The following PRKCB variants were observed in gnomAD, a reference collection of about 807,000 sequenced individuals.
PRKCB encodes the protein protein kinase C beta type.
A neutral mutation model predicts 81.5 loss-of-function variants in PRKCB; 13 were observed. The observed-to-expected ratio is 0.16, with a 90% CI of 0.10 to 0.25. PRKCB has a LOEUF of 0.25. Among genes scored for constraint, PRKCB ranks in the 10% least tolerant of loss-of-function variants. PRKCB has a pLI of 1.00. For missense variants in PRKCB, 509 were observed against 875.7 expected (o/e 0.58, Z 5.29); for synonymous variants, 335 against 321.4 (o/e 1.04, Z -0.45).
chr16:23,848,284 C>T (rs557681302), intron 2 of PRKCB, among the ~76,000 whole-genome samples: 73 of 152,156 alleles, frequency 4.8e-4, no homozygotes, highest in African/African-American at 1.7e-3. Context: ...CATGAGATGC[C>T]TTTGGCAACA....
intron 2 of PRKCB, among the ~76,000 whole-genome samples, chr16:23,923,731 A>C (rs1963858892): frequency 6.6e-6 from 1 of 152,076 alleles, no homozygotes; most frequent in South Asian, 2.1e-4. Flanking sequence ...GGTTTCTCCT[A>C]ATACTGAGAT....
chr16:23,897,301 A>G (rs1236468902), intron 2 of PRKCB, among the ~76,000 whole-genome samples: 1 of 152,236 alleles, frequency 6.6e-6, no homozygotes, highest in African/African-American at 2.4e-5. Context: ...TTTCCCCTGA[A>G]GGAAGTGGGG....
At chr16:23,969,430 G>A (rs1023408239) in intron 2 of PRKCB, among the ~76,000 whole-genome samples, 3 of 152,086 alleles carry the variant, frequency 2.0e-5, no homozygotes, top group Non-Finnish European at 2.9e-5. Context: ...TGAGACTCAC[G>A]CATGCATGTG....
At chr16:23,909,020 G>A (rs552636603) in intron 2 of PRKCB, among the ~76,000 whole-genome samples, 1 of 152,310 alleles carries the variant, frequency 6.6e-6, no homozygotes, top group African/African-American at 2.4e-5. Context: ...GTGAAGGCAG[G>A]GGTTTGTTTT....
intron 5 of PRKCB, among the ~76,000 whole-genome samples, chr16:24,082,247 T>C (rs1189268222): frequency 6.6e-6 from 1 of 152,174 alleles, no homozygotes; most frequent in Non-Finnish European, 1.5e-5. Context: ...CCCATGTTCA[T>C]GGATTGAAAG....
intron 8 of PRKCB, among the ~76,000 whole-genome samples, chr16:24,117,549 G>A (rs182726515): frequency 1.2e-4 from 18 of 152,188 alleles, no homozygotes; most frequent in African/African-American, 2.9e-4. Context: ...CTATTATCAC[G>A]CTATTTTACT....
chr16:23,898,279 A>T (rs1016789928), intron 2 of PRKCB, among the ~76,000 whole-genome samples: 1 of 151,936 alleles, frequency 6.6e-6, no homozygotes, highest in African/African-American at 2.4e-5. Flanking sequence ...GTTAGCCAGG[A>T]TGGTCTTGAT....
chr16:24,193,512 A>AT (rs1380946121), intron 16 of PRKCB, among the ~76,000 whole-genome samples: 1 of 150,930 alleles, frequency 6.6e-6, no homozygotes, highest in East Asian at 1.9e-4. Flanking sequence ...TGGTCTTGCC[A>AT]TGTTGCCCAG....
intron 16 of PRKCB, among the ~76,000 whole-genome samples, chr16:24,213,247 A>T (rs1483547307): frequency 1.3e-5 from 2 of 151,712 alleles, no homozygotes; most frequent in Non-Finnish European, 2.9e-5. Flanking sequence ...GTTGGCTAGG[A>T]TGGTCTCGAT....
At chr16:23,973,684 T>C (rs77198193) in intron 2 of PRKCB, among the ~76,000 whole-genome samples, 6 of 151,126 alleles carry the variant, frequency 4.0e-5, no homozygotes, top group Admixed American at 6.6e-5. Context: ...AATAATATAT[T>C]TTTTTTCTTT....
intron 7 of PRKCB, among the ~76,000 whole-genome samples, chr16:24,110,337 G>T (rs1387429303): frequency 4.0e-5 from 6 of 150,682 alleles, no homozygotes; most frequent in African/African-American, 1.5e-4. Context: ...TCAGCCTCCC[G>T]AATAGCTGGG....
chr16:23,920,778 G>A (rs1006832731), intron 2 of PRKCB, among the ~76,000 whole-genome samples: 1 of 152,208 alleles, frequency 6.6e-6, no homozygotes, highest in African/African-American at 2.4e-5. Flanking sequence ...ATTGGTGGAA[G>A]TTATTTAACA....
chr16:24,153,967 C>G lies in PRKCB; in HGVS notation c.1066-717C>G, dbSNP rs553787703. ...CCTAATTTTAGTTTTGTCAGTCATT[C>G]ACTCATTCTGTCATTCAACAAACAT... On this transcript the variant is annotated intron_variant, in intron 9 of 16. Transcript: ENST00000643927. 5.4e-4 allele frequency among the ~76,000 whole-genome samples: 82 copies of G among 152,312 alleles called. 1 individual carries two copies. Among genetic ancestry groups the G allele is most frequent in the South Asian group, 2.1e-3 (10 of 4,830 alleles).
intron 1 of PRKCB, 107 bp downstream of exon 1, chr16:23,836,455 A>ACT (rs1962159816): frequency 6.9e-7 from 1 of 1,444,086 alleles, no homozygotes; most frequent in African/African-American, 1.5e-5. Flanking sequence ...GCACCCTGGG[A>ACT]CCCCGCGTCT....
intron 3 of PRKCB, among the ~76,000 whole-genome samples, chr16:24,002,974 G>A (rs375682148): frequency 9.2e-5 from 14 of 152,178 alleles, no homozygotes; most frequent in Admixed American, 3.3e-4. Context: ...GGGGAGGGGA[G>A]AGTGAGACCC....
intron 3 of PRKCB, among the ~76,000 whole-genome samples, chr16:24,022,875 A>G (rs1374428525): frequency 3.3e-5 from 5 of 152,198 alleles, no homozygotes; most frequent in South Asian, 2.1e-4. Context: ...TTGTTGGCCA[A>G]CGGTAGCTTC....
In PRKCB at chr16:24,205,167, T is replaced by A. The variant is rs867681787; in HGVS notation, c.1864-9491T>A. ...TTCCTTTTTTTTTTTTTTTTTTTTT[T>A]AGAGACAGGGTCTTACTCTGTTACC... On this transcript the variant is annotated intron_variant, in intron 16 of 16. Transcript: ENST00000643927. Among the ~76,000 whole-genome samples, 635 of 138,212 alleles carry A rather than the reference T, an allele frequency of 4.6e-3. 7 individuals are homozygous for A. The highest frequency in any genetic ancestry group is 5.3e-3 in the Admixed American group (70 of 13,326). The allele number at this position is 138,212 out of a possible 152,430, so 90.7% of individuals were successfully genotyped here. A position where few individuals can be genotyped will look rare whatever the true frequency, so the allele number is the denominator to read the frequency against.
intron 16 of PRKCB, among the ~76,000 whole-genome samples, chr16:24,202,050 AG>A (rs554221701): frequency 6.7e-6 from 1 of 148,346 alleles, no homozygotes; most frequent in Non-Finnish European, 1.5e-5. Context: ...AAAAAAAAAA[AG>A]AAAAAAAGAA....
chr16:24,217,970 G>A lies in PRKCB; in HGVS notation c.*3154G>A. On this transcript the variant is annotated 3_prime_UTR_variant, in exon 17 of 17. Coordinates refer to ENST00000643927, the MANE Select transcript of PRKCB (RefSeq NM_002738.7). ...GTTTTGCCTCAGAGTAAAGTTTCTG[G>A]CTCGGGGACAATTATAAGTTGCAAA... is the stretch of plus-strand genomic sequence containing the variant. 5 of 985,276 alleles carry A rather than the reference G, an allele frequency of 5.1e-6. No individual in the cohort carries two copies. The highest frequency in any genetic ancestry group is 6.0e-6 in the Non-Finnish European group (5 of 829,910). The allele number at this position is 985,276 out of a possible 1,614,324, so 61.0% of individuals were successfully genotyped here. A position where few individuals can be genotyped will look rare whatever the true frequency, so the allele number is the denominator to read the frequency against.
Sources: gnomAD v4.1 joint callset for allele counts (sites outside exome capture counted in the v4.1 genomes callset) on GRCh38, gnomAD v4.1.1 for gene constraint, MANE v1.5 for transcripts, NCBI Gene and HGNC (gene_info 2026-07-23, HGNC 2026-07-21) for gene names.